The following COL24A1 variants were observed in gnomAD, a reference collection of about 807,000 sequenced individuals.
The protein encoded by COL24A1 is collagen type XXIV alpha 1 chain.
In COL24A1, 224 loss-of-function variants were observed where a neutral mutation model predicts 253.9. The observed-to-expected ratio is 0.88, with a 90% confidence interval of 0.79 to 0.99. COL24A1 has a LOEUF of 0.99. Ranked by LOEUF, COL24A1 falls within the 50% of genes least tolerant of loss-of-function variation. The pLI, the probability that COL24A1 is intolerant of heterozygous loss-of-function variation, is 0.00. For synonymous variants in COL24A1, 685 were observed against 673.7 expected (o/e 1.02, Z -0.26); for missense variants, 2,131 against 2,068.5 (o/e 1.03, Z -0.59).
chr1:85,761,554 G>A lies in COL24A1; in HGVS notation c.4387C>T (p.Pro1463Ser). The change falls in exon 54 of 60, where the codon CCA becomes TCA. Residue 1463 changes from proline (P) to serine (S), a missense_variant. Pro to Ser is a moderately conservative substitution (Grantham distance 74, BLOSUM62 -1). Coordinates refer to ENST00000370571, the MANE Select transcript of COL24A1 (RefSeq NM_152890.7). The stretch of plus-strand genomic sequence containing the variant: ...ACTGGAGGCCCTGGTTGACCTCTTG[G>A]TCCTTGAGGACCCTGGAAGAAATGG... ...GFRGETGPQG[P>S]RGQPGPPGPP... The A allele has an allele frequency of 1.2e-6, 2 of 1,614,058 alleles. No individual in the cohort carries two copies. Among genetic ancestry groups the A allele is most frequent in the East Asian group, 4.5e-5 (2 of 44,876 alleles).
At chr1:85,942,116 G>A (rs762517538) in intron 24 of COL24A1, among the ~76,000 whole-genome samples, 129 of 152,292 alleles carry the variant, frequency 8.5e-4, no homozygotes, top group Non-Finnish European at 1.6e-3. Flanking sequence ...GTTTTCAAGA[G>A]ACTGCCTTTC....
chr1:85,839,974 G>C (rs190081582), intron 42 of COL24A1, among the ~76,000 whole-genome samples: 35 of 152,144 alleles, frequency 2.3e-4, no homozygotes, highest in African/African-American at 8.4e-4. Context: ...AAAAGCATAG[G>C]ATTTATTATA....
At chr1:85,864,155 G>A (rs1425866669) in intron 37 of COL24A1, among the ~76,000 whole-genome samples, 1 of 152,106 alleles carries the variant, frequency 6.6e-6, no homozygotes, top group South Asian at 2.1e-4. Context: ...CAACCCAAAT[G>A]TCCATCAATG....
chr1:85,925,412 A>G (rs1425124428), intron 24 of COL24A1, among the ~76,000 whole-genome samples: 2 of 152,186 alleles, frequency 1.3e-5, no homozygotes, highest in Non-Finnish European at 2.9e-5. Flanking sequence ...ACACTACCTG[A>G]CTTCAAACTA....
intron 47 of COL24A1, among the ~76,000 whole-genome samples, chr1:85,813,289 G>A (rs1293189617): frequency 6.6e-6 from 1 of 151,780 alleles, no homozygotes; most frequent in Non-Finnish European, 1.5e-5. Context: ...TGAGAGTGGG[G>A]ATAAAAAGAA....
At chr1:86,008,213 T>C (rs1696147565) in intron 19 of COL24A1, among the ~76,000 whole-genome samples, 1 of 152,280 alleles carries the variant, frequency 6.6e-6, no homozygotes, top group African/African-American at 2.4e-5. Context: ...ATAATAATGA[T>C]CCCTGATTTA....
At chr1:85,852,292 T>C (rs185132640) in intron 37 of COL24A1, among the ~76,000 whole-genome samples, 248 of 152,322 alleles carry the variant, frequency 1.6e-3, no homozygotes, top group Non-Finnish European at 2.8e-3. Flanking sequence ...TCAATTTCCA[T>C]TGGTCTGTTT....
intron 53 of COL24A1, among the ~76,000 whole-genome samples, chr1:85,774,849 G>C (rs975254749): frequency 1.3e-5 from 2 of 152,050 alleles, no homozygotes; most frequent in African/African-American, 4.8e-5. Flanking sequence ...TTTCTTGAAG[G>C]GTTTTTTGGT....
intron 10 of COL24A1, among the ~76,000 whole-genome samples, chr1:86,052,904 A>G (rs999203031): frequency 1.3e-5 from 2 of 152,000 alleles, no homozygotes; most frequent in South Asian, 2.1e-4. Flanking sequence ...AAACTTTTTT[A>G]GGTGTTTTTC....
At chr1:86,054,406 G>C (rs569077589) in intron 10 of COL24A1, among the ~76,000 whole-genome samples, 106 of 151,948 alleles carry the variant, frequency 7.0e-4, no homozygotes, top group African/African-American at 2.5e-3. Context: ...TCTGACAAAG[G>C]ACTAATATCC....
chr1:85,896,659 G>A (rs1571129729), intron 28 of COL24A1, among the ~76,000 whole-genome samples: 2 of 152,184 alleles, frequency 1.3e-5, no homozygotes, highest in South Asian at 4.2e-4. Context: ...CACCACGCCT[G>A]GCTAATTTTT....
At chr1:86,108,991 G>C (rs1028185776) in intron 5 of COL24A1, among the ~76,000 whole-genome samples, 1 of 152,128 alleles carries the variant, frequency 6.6e-6, no homozygotes, top group African/African-American at 2.4e-5. Flanking sequence ...AACCTAGAAG[G>C]GGGAGAAGAA....
intron 52 of COL24A1, among the ~76,000 whole-genome samples, chr1:85,779,311 C>T (rs1171371534): frequency 1.3e-5 from 2 of 152,076 alleles, no homozygotes; most frequent in African/African-American, 2.4e-5. Context: ...GAATGCTAGA[C>T]AATTAGATAT....
intron 29 of COL24A1, 105 bp from the exon 30 acceptor site, chr1:85,896,170 T>C (rs1056127041): frequency 3.8e-5 from 48 of 1,260,328 alleles, no homozygotes; most frequent in Non-Finnish European, 5.0e-5. Flanking sequence ...ACAGTAAGTA[T>C]ATAGTTCATT....
chr1:86,059,801 T>G (rs1420861648), intron 8 of COL24A1, among the ~76,000 whole-genome samples: 1 of 152,062 alleles, frequency 6.6e-6, no homozygotes, highest in Non-Finnish European at 1.5e-5. Flanking sequence ...AGGTGGCTCT[T>G]TGGAAGGTAA....
chr1:85,860,807 T>G (rs564828977), intron 37 of COL24A1, among the ~76,000 whole-genome samples: 82 of 152,344 alleles, frequency 5.4e-4, no homozygotes, highest in African/African-American at 1.9e-3. Context: ...TTCTTTCATT[T>G]AGCATAATGT....
chr1:85,868,446 T>C lies in COL24A1; in HGVS notation c.3300+73A>G, dbSNP rs1006625659. On this transcript the variant is annotated intron_variant, in intron 37 of 59. Transcript: ENST00000370571. ...ATATATAAGGAGGTCAGAGTGTGTG[T>C]AGGTTTGTGCATGTGTACACATACA... The C allele has an allele frequency of 1.2e-5, 12 of 1,010,186 alleles. No homozygotes were observed. In the African/African-American group the frequency reaches 1.9e-4, roughly 16 times the overall value. 62.6% of individuals were successfully genotyped at this position (1,010,186 alleles called of 1,614,324 possible).
At chr1:86,046,337 T>G (rs1457040363) in intron 12 of COL24A1, among the ~76,000 whole-genome samples, 1 of 152,176 alleles carries the variant, frequency 6.6e-6, no homozygotes, top group African/African-American at 2.4e-5. Flanking sequence ...TCCTCCCATC[T>G]CTGAAATTAT....
At chr1:85,875,427 A>C in intron 33 of COL24A1, 97 bp from the exon 34 acceptor site, 1 of 900,860 alleles carries the variant, frequency 1.1e-6, no homozygotes, top group Non-Finnish European at 1.8e-6. Flanking sequence ...CTGTGTCCAA[A>C]AGGGCATAAT....
Sources: allele counts gnomAD v4.1 joint callset (sites outside exome capture counted in the v4.1 genomes callset), GRCh38; gene constraint gnomAD v4.1.1; transcripts MANE v1.5; gene names NCBI Gene and HGNC (gene_info 2026-07-23, HGNC 2026-07-21).